PHF2: variants seen among roughly 807,000 people sequenced by gnomAD.
The protein encoded by PHF2 is PHD finger protein 2.
Under a neutral mutation model 120.5 loss-of-function variants are expected in PHF2, and 27 were observed. The observed-to-expected ratio is 0.22, with a 90% confidence interval of 0.17 to 0.31. The LOEUF (loss-of-function observed/expected upper bound fraction) is 0.31, where lower values mean the gene tolerates loss of function less well. PHF2 is among the 10% of genes least tolerant of loss of function. PHF2 has a pLI of 1.00. For synonymous variants in PHF2, 568 were observed against 592.5 expected (o/e 0.96, Z 0.60); for missense variants, 1,024 against 1,434.8 (o/e 0.71, Z 4.63).
At chr9:93,584,608 TC>T (rs1863001162) in intron 1 of PHF2, among the ~76,000 whole-genome samples, 1 of 152,260 alleles carries the variant, frequency 6.6e-6, no homozygotes, top group Non-Finnish European at 1.5e-5. Flanking sequence ...TATATGTGTC[TC>T]CTTATGCCAG....
At chr9:93,671,522 G>C (rs556457131) in intron 17 of PHF2, among the ~76,000 whole-genome samples, 1 of 132,106 alleles carries the variant, frequency 7.6e-6, no homozygotes, top group Non-Finnish European at 1.6e-5. Flanking sequence ...GGGTGTGGAT[G>C]TAGGTACAGG....
chr9:93,676,561 C>T (rs368798041), intron 20 of PHF2, 33 bp from the exon 21 acceptor site: 26 of 1,558,516 alleles, frequency 1.7e-5, no homozygotes, highest in African/African-American at 1.2e-4. Flanking sequence ...GTGGGCTGTG[C>T]GTCTGAGGCT....
intron 5 of PHF2, 145 bp downstream of exon 5, chr9:93,649,357 C>G (rs1826318109): frequency 3.1e-6 from 1 of 327,208 alleles, no homozygotes; most frequent in Non-Finnish European, 5.3e-6. Flanking sequence ...TACTGTTTCT[C>G]TCTTTTAAAT....
chr9:93,673,900 A>T (rs1826857198), intron 18 of PHF2, 38 bp downstream of exon 18: 1 of 1,518,944 alleles, frequency 6.6e-7, no homozygotes, highest in African/African-American at 1.4e-5. Context: ...GCCCATGCTC[A>T]GCCCTAGAAG....
intron 1 of PHF2, among the ~76,000 whole-genome samples, chr9:93,595,384 A>C (rs1454109327): frequency 6.6e-6 from 1 of 152,244 alleles, no homozygotes; most frequent in East Asian, 1.9e-4. Flanking sequence ...GGTAGAGAGT[A>C]GGGAAGCCTG....
chr9:93,593,483 T>C (rs1459420082), intron 1 of PHF2, among the ~76,000 whole-genome samples: 1 of 152,242 alleles, frequency 6.6e-6, no homozygotes, highest in Non-Finnish European at 1.5e-5. Context: ...CTGCATACAA[T>C]TGGTTTCCTT....
intron 1 of PHF2, among the ~76,000 whole-genome samples, chr9:93,604,761 A>G (rs1168906153): frequency 1.3e-5 from 2 of 152,056 alleles, no homozygotes; most frequent in Non-Finnish European, 2.9e-5. Context: ...AGAATTTCTT[A>G]TATTCTAGTG....
At chr9:93,654,381 T>C in intron 6 of PHF2, 32 bp from the exon 7 acceptor site, 1 of 1,601,454 alleles carries the variant, frequency 6.2e-7, no homozygotes, top group Non-Finnish European at 8.5e-7. Flanking sequence ...CATCCCAGTA[T>C]GGGCGGCTCT....
chr9:93,599,053 G>A (rs1407762695), intron 1 of PHF2, among the ~76,000 whole-genome samples: 1 of 152,180 alleles, frequency 6.6e-6, no homozygotes, highest in African/African-American at 2.4e-5. Context: ...CCTGTTTCTT[G>A]TGTCCAGCAC....
intron 6 of PHF2, 105 bp downstream of exon 6, chr9:93,653,470 C>G (rs1353931198): frequency 1.7e-6 from 2 of 1,186,686 alleles, no homozygotes; most frequent in Non-Finnish European, 2.4e-6. Context: ...TGCGACTCCC[C>G]AGAGGGCCCC....
At chr9:93,626,620 C>T (rs1321546219) in intron 1 of PHF2, among the ~76,000 whole-genome samples, 4 of 152,090 alleles carry the variant, frequency 2.6e-5, no homozygotes, top group African/African-American at 9.7e-5. Flanking sequence ...TTTTGTTGTT[C>T]ATGCTTTTGG....
intron 17 of PHF2, among the ~76,000 whole-genome samples, chr9:93,669,304 C>T (rs1385653454): frequency 6.6e-6 from 1 of 152,240 alleles, no homozygotes; most frequent in African/African-American, 2.4e-5. Flanking sequence ...GGGCAAGCTG[C>T]GTGCTCTGGC....
intron 1 of PHF2, among the ~76,000 whole-genome samples, chr9:93,600,143 T>C (rs769079561): frequency 5.3e-5 from 8 of 151,924 alleles, no homozygotes; most frequent in Non-Finnish European, 8.8e-5. Context: ...GTAATGTGTG[T>C]GAATGTGTGT....
At position 93,645,820 on chromosome 9, in the gene PHF2, G is replaced by A. The variant is rs371053004; in HGVS notation, c.460+31G>A. Reference sequence around the variant, plus strand: ...CGCCATCCCCTTCACAGTGCTCTGGGGCTGGAGCTGGGAGTGCTGGGACAC... The same window carrying A: ...CGCCATCCCCTTCACAGTGCTCTGGAGCTGGAGCTGGGAGTGCTGGGACAC... On this transcript the variant is annotated intron_variant, in intron 4 of 21. Transcript: ENST00000359246. The A allele has an allele frequency of 1.5e-5, 23 of 1,538,278 alleles. No individual in the cohort carries two copies. In the South Asian group the frequency reaches 2.6e-4, roughly 17 times the overall value.
In PHF2 at chr9:93,654,456, T is replaced by C; in HGVS notation, c.833T>C (p.Ile278Thr). 6.2e-7 allele frequency: 1 copy of C among 1,613,858 alleles called. No individual in the cohort carries two copies. Among genetic ancestry groups the C allele is most frequent in the Non-Finnish European group, 8.5e-7 (1 of 1,179,946 alleles). Residue 278 changes from isoleucine (I) to threonine (T), a missense_variant, in exon 7 of 22, where the codon ATC becomes ACC. Ile to Thr is a moderately conservative substitution (Grantham distance 89, BLOSUM62 -1). Around this residue, in one of 2 missense-constraint regions of PHF2, gnomAD observed 347 missense variants for 577.4 expected, o/e 0.60. Coordinates refer to ENST00000359246, the MANE Select transcript of PHF2 (RefSeq NM_005392.4). Reference sequence around the variant, plus strand: ...CTCATCAGGCCGGCCTCGGCCAACATCTCCCTGTATGAGCGCTGGCGGTCT... The same window carrying C: ...CTCATCAGGCCGGCCTCGGCCAACACCTCCCTGTATGAGCGCTGGCGGTCT... ...FYLIRPASANISLYERWRSAS... is the reference protein window; with the variant it reads ...FYLIRPASANTSLYERWRSAS...
chr9:93,632,795 G>A (rs1826022774), intron 2 of PHF2, among the ~76,000 whole-genome samples: 1 of 152,192 alleles, frequency 6.6e-6, no homozygotes, highest in South Asian at 2.1e-4. Context: ...TCTGTGTGCT[G>A]AATGTGCTAT....
At chr9:93,595,601 C>T (rs1825316659) in intron 1 of PHF2, among the ~76,000 whole-genome samples, 1 of 152,258 alleles carries the variant, frequency 6.6e-6, no homozygotes, top group African/African-American at 2.4e-5. Flanking sequence ...TGCATGGCTC[C>T]TCTCTGCATG....
In PHF2 at chr9:93,623,467, A is replaced by G. The variant is rs530288172; in HGVS notation, c.99-6503A>G. 7.9e-5 allele frequency among the ~76,000 whole-genome samples: 12 copies of G among 152,328 alleles called. No individual in the cohort carries two copies. The South Asian group carries it at 2.5e-3, about 32-fold the overall frequency. On this transcript the variant is annotated intron_variant, in intron 1 of 21. Coordinates refer to ENST00000359246, the MANE Select transcript of PHF2 (RefSeq NM_005392.4). Reference sequence around the variant, plus strand: ...TGCTGAGCTCTTCTTCACATGCCATAGTGCTATGCCCTGGTCCTGTTCCTG... The same window carrying G: ...TGCTGAGCTCTTCTTCACATGCCATGGTGCTATGCCCTGGTCCTGTTCCTG...
chr9:93,586,217 T>C (rs1863041879), intron 1 of PHF2, among the ~76,000 whole-genome samples: 1 of 152,158 alleles, frequency 6.6e-6, no homozygotes, highest in African/African-American at 2.4e-5. Flanking sequence ...TGGGAAGCAG[T>C]GGGGAGTCTC....
Sources: gnomAD v4.1 joint callset for allele counts (sites outside exome capture counted in the v4.1 genomes callset) on GRCh38, gnomAD v4.1.1 for gene constraint, gnomAD v4.1.1 regional missense constraint, MANE v1.5 for transcripts, NCBI Gene and HGNC (gene_info 2026-07-23, HGNC 2026-07-21) for gene names.